The following PKHD1L1 variants were observed in gnomAD, a reference collection of about 807,000 sequenced individuals.
PKHD1L1 encodes PKHD1 like 1.
Under a neutral mutation model 462.9 loss-of-function variants are expected in PKHD1L1, and 434 were observed. That is an observed-to-expected ratio of 0.94 (90% CI 0.87 to 1.02). The LOEUF is 1.02. Among genes scored for constraint, PKHD1L1 ranks in the 50% least tolerant of loss-of-function variants. PKHD1L1 has a pLI of 0.00. For synonymous variants in PKHD1L1, 1,781 were observed against 1,750.0 expected (o/e 1.02, Z -0.44); for missense variants, 5,202 against 5,096.1 (o/e 1.02, Z -0.63).
intron 63 of PKHD1L1, among the ~76,000 whole-genome samples, chr8:109,495,316 TG>T (rs1819031435): frequency 6.6e-6 from 1 of 152,146 alleles, no homozygotes; most frequent in Admixed American, 6.5e-5. Flanking sequence ...GTTATCCTTA[TG>T]GATTTTTCAA....
chr8:109,495,696 G>T (rs577660359), intron 63 of PKHD1L1, among the ~76,000 whole-genome samples: 1 of 152,066 alleles, frequency 6.6e-6, no homozygotes, highest in Non-Finnish European at 1.5e-5. Flanking sequence ...TCAAAACCAG[G>T]AAAATCATAA....
At position 109,438,919 on chromosome 8, in the gene PKHD1L1, G is replaced by C. The variant is rs1285846072; in HGVS notation, c.3783G>C (p.Lys1261Asn). The C allele has an allele frequency of 5.0e-6, 8 of 1,610,178 alleles. No individual in the cohort carries two copies. Among genetic ancestry groups the C allele is most frequent in the Non-Finnish European group, 6.8e-6 (8 of 1,178,184 alleles). Reference protein sequence around the residue: ...TILGEVNLTIKGYNFGNELTQ... With the variant: ...TILGEVNLTINGYNFGNELTQ... ...CAGGAGAAGTTAATTTAACAATTAA[G>C]GGCTATAATTTTGGAAATGAACTCA... The change falls in exon 32 of 78, where the codon AAG becomes AAC. Residue 1261 changes from lysine (K) to asparagine (N), a missense_variant. Physicochemically the swap from Lys to Asn is moderately conservative, Grantham distance 94. Coordinates refer to ENST00000378402, the MANE Select transcript of PKHD1L1 (RefSeq NM_177531.6).
At chr8:109,486,558 G>T in intron 58 of PKHD1L1, 90 bp from the exon 59 acceptor site, 1 of 1,267,108 alleles carries the variant, frequency 7.9e-7, no homozygotes, top group Non-Finnish European at 1.1e-6. Flanking sequence ...TGGCTTATTA[G>T]AAGGCTGTTT....
intron 2 of PKHD1L1, 59 bp from the exon 3 acceptor site, chr8:109,381,311 T>C: frequency 7.2e-7 from 1 of 1,395,310 alleles, no homozygotes; most frequent in East Asian, 2.5e-5. Flanking sequence ...AGGTGACAAA[T>C]GTTAGGTCTC....
Position 109,444,807 on chromosome 8 carries a change from G to T in PKHD1L1, c.4938G>T (p.Thr1646=), listed in dbSNP as rs571376584. 3.7e-6 allele frequency: 6 copies of T among 1,613,872 alleles called. No individual in the cohort carries two copies. The highest frequency in any genetic ancestry group is 5.1e-6 in the Non-Finnish European group (6 of 1,179,894). ...TVYNLGTAIN[T]LSNEFDRRFV... Reference sequence around the variant, plus strand: ...ACAACCTGGGCACTGCTATCAATACGTTGTCCAATGAATTTGATAGGCGAT... The same window carrying T: ...ACAACCTGGGCACTGCTATCAATACTTTGTCCAATGAATTTGATAGGCGAT... Residue 1646 remains threonine (T), a synonymous_variant, in exon 38 of 78, where the codon ACG becomes ACT. Coordinates refer to ENST00000378402, the MANE Select transcript of PKHD1L1 (RefSeq NM_177531.6).
intron 19 of PKHD1L1, among the ~76,000 whole-genome samples, chr8:109,410,913 G>C (rs1373752886): frequency 6.6e-6 from 1 of 151,098 alleles, no homozygotes; most frequent in Admixed American, 6.6e-5. Context: ...ATTTTTAGTA[G>C]AGACGGGGTT....
chr8:109,364,200 T>C (rs765924762), intron 1 of PKHD1L1, among the ~76,000 whole-genome samples: 1 of 152,226 alleles, frequency 6.6e-6, no homozygotes, highest in African/African-American at 2.4e-5. Context: ...TTAGGTGAGC[T>C]GTTAAGCATA....
Position 109,476,612 on chromosome 8 carries a change from TAGC to T in PKHD1L1, c.8864_8866del (p.Ser2955del). The T allele has an allele frequency of 6.3e-7, 1 of 1,597,250 alleles. No homozygotes were observed. Among genetic ancestry groups the T allele is most frequent in the Non-Finnish European group, 8.5e-7 (1 of 1,170,362 alleles). On this transcript the variant is annotated inframe_deletion, in exon 52 of 78. Transcript: ENST00000378402. ...CCTCAAATCCATTGAATTGGAATACTAGCAAGAATGGGGACTGGCACCTTGAAG... is the reference window on the plus strand; with the variant it reads ...CCTCAAATCCATTGAATTGGAATACTAAGAATGGGGACTGGCACCTTGAAG...
chr8:109,522,250 A>C lies in PKHD1L1; in HGVS notation c.12096A>C (p.Gly4032=), dbSNP rs1379892228. 6.2e-7 allele frequency: 1 copy of C among 1,603,724 alleles called. No homozygotes were observed. Among genetic ancestry groups the C allele is most frequent in the Non-Finnish European group, 8.5e-7 (1 of 1,171,648 alleles). Residue 4032 remains glycine (G), a synonymous_variant, in exon 74 of 78, where the codon GGA becomes GGC. Coordinates refer to ENST00000378402, the MANE Select transcript of PKHD1L1 (RefSeq NM_177531.6). ...CTCTTGGACAAGCTGTAATTTTAGG[A>C]AACATCAGTAGTATCCTTGGATTTA... The part of the protein sequence containing the change: ...AGSLGQAVIL[G]NISSILGFNI...
intron 2 of PKHD1L1, among the ~76,000 whole-genome samples, chr8:109,366,219 C>A (rs1341054664): frequency 6.6e-6 from 1 of 152,172 alleles, no homozygotes; most frequent in Non-Finnish European, 1.5e-5. Flanking sequence ...AATTATAAAG[C>A]CCAGAGTGTC....
chr8:109,385,953 C>G (rs902483429), intron 6 of PKHD1L1, among the ~76,000 whole-genome samples: 11 of 152,126 alleles, frequency 7.2e-5, no homozygotes, highest in Non-Finnish European at 1.6e-4. Flanking sequence ...GTCTTTATTA[C>G]TTAATCTAAC....
intron 67 of PKHD1L1, chr8:109,499,308 T>C (rs150573347): frequency 6.6e-6 from 1 of 152,546 alleles, no homozygotes; most frequent in Non-Finnish European, 1.5e-5. Context: ...AATAACACTG[T>C]GCATTTCCTG....
In PKHD1L1 at chr8:109,441,362, A is replaced by G. The variant is rs777158255; in HGVS notation, c.4187A>G (p.Asn1396Ser). 3.2e-6 allele frequency: 5 copies of G among 1,559,456 alleles called. No homozygotes were observed. In the African/African-American group the frequency reaches 6.8e-5, roughly 21 times the overall value. Reference sequence around the variant, plus strand: ...ACTGGGAATATATTCAGGATTACCAACAATGGGAAAGATTCAGGTATCAGC... The same window carrying G: ...ACTGGGAATATATTCAGGATTACCAGCAATGGGAAAGATTCAGGTATCAGC... The part of the protein sequence containing the change: ...HSTGNIFRIT[N>S]NGKDSVHGLG... Residue 1396 changes from asparagine (N) to serine (S), a missense_variant, in exon 34 of 78, where the codon AAC becomes AGC. Asn to Ser is a conservative substitution (Grantham distance 46). Around this residue, in one of 3 missense-constraint regions of PKHD1L1, gnomAD observed 4,497 missense variants for 4,336.8 expected, o/e 1.04. Transcript: ENST00000378402.
At chr8:109,513,708 C>T (rs1210475861) in intron 71 of PKHD1L1, among the ~76,000 whole-genome samples, 1 of 152,052 alleles carries the variant, frequency 6.6e-6, no homozygotes, top group East Asian at 1.9e-4. Context: ...CCCTTCGCTC[C>T]AGACAAAACC....
chr8:109,381,562 G>T (rs757060624), intron 3 of PKHD1L1, 48 bp downstream of exon 3: 1 of 1,367,330 alleles, frequency 7.3e-7, no homozygotes. Flanking sequence ...CATATCAGAA[G>T]TTACAGTTAT....
chr8:109,439,149 T>C, intron 32 of PKHD1L1, 57 bp downstream of exon 32: 12 of 1,482,108 alleles, frequency 8.1e-6, no homozygotes, highest in Non-Finnish European at 1.1e-5. Context: ...CTAGTGGAAT[T>C]GGGATAGGAA....
At chr8:109,394,559 G>A (rs1245303100) in intron 10 of PKHD1L1, 74 bp downstream of exon 10, 5 of 975,976 alleles carry the variant, frequency 5.1e-6, no homozygotes, top group Non-Finnish European at 7.3e-6. Context: ...TCAAACCAAA[G>A]ACAATGAGTG....
In PKHD1L1 at chr8:109,461,325, A is replaced by G. The variant is rs570174438; in HGVS notation, c.7247-447A>G. On this transcript the variant is annotated intron_variant, in intron 47 of 77. Coordinates refer to ENST00000378402, the MANE Select transcript of PKHD1L1 (RefSeq NM_177531.6). ...ATCTGCGTCAATTATCACAATGTAC[A>G]TGAAACCTAGTTTCATCCATTTAAA... Among the ~76,000 whole-genome samples, 19 of 152,296 alleles carry G rather than the reference A, an allele frequency of 1.2e-4. 2 individuals carry two copies. Among genetic ancestry groups the G allele is most frequent in the Middle Eastern group, 3.4e-3 (1 of 294 alleles).
intron 32 of PKHD1L1, 41 bp from the exon 33 acceptor site, chr8:109,440,669 G>A (rs1563544610): frequency 6.4e-7 from 1 of 1,574,516 alleles, no homozygotes; most frequent in Admixed American, 1.7e-5. Context: ...AGATAAATCA[G>A]TAGGAAGCTC....
Sources: gnomAD v4.1 joint callset for allele counts (sites outside exome capture counted in the v4.1 genomes callset) on GRCh38, gnomAD v4.1.1 for gene constraint, gnomAD v4.1.1 regional missense constraint, MANE v1.5 for transcripts, NCBI Gene and HGNC (gene_info 2026-07-23, HGNC 2026-07-21) for gene names.